Variants in COL18A1 observed in about 807,000 individuals in gnomAD.
COL18A1 encodes the protein collagen type XVIII alpha 1 chain.
Under a neutral mutation model 168.0 loss-of-function variants are expected in COL18A1, and 133 were observed. The observed-to-expected ratio is 0.79, with a 90% CI of 0.69 to 0.91. COL18A1 has a LOEUF of 0.91. Ranked by LOEUF, COL18A1 falls within the 40% of genes least tolerant of loss-of-function variation. The pLI is 0.00. For synonymous variants in COL18A1, 949 were observed against 809.0 expected (o/e 1.17, Z -2.94); for missense variants, 2,126 against 1,925.4 (o/e 1.10, Z -1.95).
In COL18A1 at chr21:45,505,211, G is replaced by A. The variant is rs771896470; in HGVS notation, c.2946G>A (p.Gly982=). The change falls in exon 35 of 42, where the codon GGG becomes GGA. Residue 982 remains glycine, a synonymous_variant. Transcript: ENST00000651438. ...GACCCCCCGGCATCGGCTACGAGGGGCGCCAGGGCCCTCCCGGCCCCCCAG... is the reference window on the plus strand; with the variant it reads ...GACCCCCCGGCATCGGCTACGAGGGACGCCAGGGCCCTCCCGGCCCCCCAG... ...PQGPPGIGYE[G]RQGPPGPPGP... 1.1e-5 allele frequency: 17 copies of A among 1,602,382 alleles called. No individual in the cohort carries two copies. The highest frequency in any genetic ancestry group is 1.4e-5 in the Non-Finnish European group (17 of 1,175,050).
chr21:45,477,933 A>G lies in COL18A1; in HGVS notation c.1189A>G (p.Arg397Gly). Residue 397 changes from arginine to glycine, a missense_variant, in exon 8 of 42, where the codon AGG becomes GGG. Transcript: ENST00000651438. The stretch of plus-strand genomic sequence containing the variant: ...ACAAGGACCCCCAGGGCCTCCGGGG[A>G]GGGACGGCACCCCTGGAAGGGACGG... ...GPQGPPGPPG[R>G]DGTPGRDGEP... 1 of 1,559,946 alleles carries G rather than the reference A, an allele frequency of 6.4e-7. No homozygotes were observed. The highest frequency in any genetic ancestry group is 8.7e-7 in the Non-Finnish European group (1 of 1,150,378).
chr21:45,503,894 C>G (rs1199902864), intron 32 of COL18A1, 117 bp from the exon 33 acceptor site: 1 of 1,022,074 alleles, frequency 9.8e-7, no homozygotes. Context: ...TACGCGATCT[C>G]TACCGCGAAA....
Position 45,509,866 on chromosome 21 carries a change from C to G in COL18A1, c.3496-198C>G, listed in dbSNP as rs541821492. Among the ~76,000 whole-genome samples the G allele has an allele frequency of 6.0e-3, 909 of 152,308 alleles. 15 individuals carry two copies. The highest frequency in any genetic ancestry group is 0.021 in the African/African-American group (868 of 41,572). On this transcript the variant is annotated intron_variant, in intron 39 of 41. Coordinates refer to ENST00000651438, the MANE Select transcript of COL18A1 (RefSeq NM_001379500.1). Reference sequence around the variant, plus strand: ...CTACAGCGGCAGCTGGGGGCACCCACGTGGCCCGGGGCTGCTCTGACCTGG... The same window carrying G: ...CTACAGCGGCAGCTGGGGGCACCCAGGTGGCCCGGGGCTGCTCTGACCTGG...
chr21:45,494,748 T>A, intron 27 of COL18A1, 114 bp from the exon 28 acceptor site: 1 of 1,284,504 alleles, frequency 7.8e-7, no homozygotes, highest in Non-Finnish European at 1.1e-6. Flanking sequence ...TCCGAGCTGA[T>A]GGGTGGCCCA....
chr21:45,480,513 C>A lies in COL18A1; in HGVS notation c.1445C>A (p.Ala482Asp), dbSNP rs1430069322. 6.2e-7 allele frequency: 1 copy of A among 1,614,128 alleles called. No homozygotes were observed. The highest frequency in any genetic ancestry group is 1.1e-5 in the South Asian group (1 of 91,080). The change falls in exon 12 of 42, where the codon GCC becomes GAC. Residue 482 changes from alanine (A) to aspartate (D), a missense_variant. Physicochemically the swap from Ala to Asp is moderately radical, Grantham distance 126. Transcript: ENST00000651438. ...TCTGGCTTCGGGGGCGATCTGGAGG[C>A]CCTGCGGGTGAGTGGCCCTTAAACT... ...EGSGFGGDLE[A>D]LRGPRGFPGP...
At chr21:45,475,661 T>C in intron 5 of COL18A1, 126 bp downstream of exon 5, 1 of 847,008 alleles carries the variant, frequency 1.2e-6, no homozygotes. Context: ...CGAAGACATA[T>C]TCCTGGCTGG....
At chr21:45,410,729 C>A (rs1295745250) in intron 2 of COL18A1, among the ~76,000 whole-genome samples, 2 of 152,234 alleles carry the variant, frequency 1.3e-5, no homozygotes, top group African/African-American at 4.8e-5. Context: ...CTGCAGAGAA[C>A]CTGCCAGCAC....
intron 22 of COL18A1, 108 bp from the exon 23 acceptor site, chr21:45,492,427 T>C (rs1039003888): frequency 7.3e-7 from 1 of 1,372,510 alleles, no homozygotes; most frequent in African/African-American, 1.4e-5. Context: ...AGCAACATTT[T>C]CCTTGAATTT....
intron 15 of COL18A1, 141 bp downstream of exon 15, chr21:45,482,962 T>C (rs569805701): frequency 2.4e-6 from 3 of 1,252,988 alleles, no homozygotes; most frequent in Non-Finnish European, 3.4e-6. Context: ...CTGCCATCTG[T>C]CCATCCGTCC....
chr21:45,492,416 A>G, intron 22 of COL18A1, 119 bp from the exon 23 acceptor site: 1 of 1,287,910 alleles, frequency 7.8e-7, no homozygotes, highest in South Asian at 1.2e-5. Flanking sequence ...GAAGACTGGA[A>G]AGCAACATTT....
intron 15 of COL18A1, among the ~76,000 whole-genome samples, chr21:45,483,906 C>G (rs892375524): frequency 6.6e-6 from 1 of 151,380 alleles, no homozygotes; most frequent in Non-Finnish European, 1.5e-5. Context: ...CATGCACACA[C>G]ACACCTCTCC....
Position 45,497,052 on chromosome 21 carries a change from G to A in COL18A1, c.2580G>A (p.Val860=). ...PPGTPVYDSN[V]FAESSRPGPP... ...CCGCCTCTCCCCGTTCCTTGCAGGT[G>A]TTTGCTGAGTCCAGCCGCCCCGGGC... The change falls in exon 31 of 42, where the codon GTG becomes GTA. Residue 860 remains valine (V), a splice_region_variant and synonymous_variant. Transcript: ENST00000651438. The A allele has an allele frequency of 1.2e-6, 2 of 1,603,614 alleles. No homozygotes were observed. The highest frequency in any genetic ancestry group is 8.5e-7 in the Non-Finnish European group (1 of 1,174,948).
At chr21:45,476,127 A>C (rs1403658000) in intron 5 of COL18A1, among the ~76,000 whole-genome samples, 3 of 150,558 alleles carry the variant, frequency 2.0e-5, no homozygotes, top group Non-Finnish European at 2.9e-5. Context: ...TGGTGACGGC[A>C]GGCGCGGTCC....
At chr21:45,422,218 A>T (rs1172033491) in intron 2 of COL18A1, among the ~76,000 whole-genome samples, 2 of 152,174 alleles carry the variant, frequency 1.3e-5, no homozygotes, top group African/African-American at 4.8e-5. Flanking sequence ...TGTGAGGTTT[A>T]ATCTCAGCAA....
intron 2 of COL18A1, among the ~76,000 whole-genome samples, chr21:45,422,108 C>T (rs186307001): frequency 9.9e-5 from 15 of 152,218 alleles, no homozygotes; most frequent in Non-Finnish European, 1.8e-4. Context: ...CACACACACA[C>T]GTTCACACAC....
intron 2 of COL18A1, chr21:45,407,960 TA>T (rs1401141045): frequency 6.6e-6 from 1 of 152,256 alleles, no homozygotes; most frequent in Non-Finnish European, 1.5e-5. Flanking sequence ...GGCGCCTAGG[TA>T]ACGAGAGACC....
intron 36 of COL18A1, 116 bp downstream of exon 36, chr21:45,505,547 A>C (rs1161076725): frequency 1.4e-6 from 1 of 710,676 alleles, no homozygotes; most frequent in South Asian, 1.5e-5. Context: ...ACAGGAGGCC[A>C]AGATGCGGTT....
intron 2 of COL18A1, chr21:45,467,310 G>A (rs2035247160): frequency 1.4e-5 from 14 of 985,334 alleles, no homozygotes; most frequent in African/African-American, 1.7e-5. Context: ...CTACTGAGTC[G>A]AAGTGAAGTC....
intron 2 of COL18A1, among the ~76,000 whole-genome samples, chr21:45,458,412 G>A (rs905333498): frequency 1.3e-5 from 2 of 151,732 alleles, no homozygotes; most frequent in African/African-American, 4.9e-5. Context: ...TCTGAGGCAG[G>A]GGCTGTGCCC....
Sources: allele counts gnomAD v4.1 joint callset (sites outside exome capture counted in the v4.1 genomes callset), GRCh38; gene constraint gnomAD v4.1.1; transcripts MANE v1.5; gene names NCBI Gene and HGNC (gene_info 2026-07-23, HGNC 2026-07-21).